The following SPTLC2 variants were observed in gnomAD, a reference collection of about 807,000 sequenced individuals.
The protein encoded by SPTLC2 is serine palmitoyltransferase long chain base subunit 2, also known as serine palmitoyltransferase 2.
Under a neutral mutation model 62.0 loss-of-function variants are expected in SPTLC2, and 21 were observed. That is an observed-to-expected ratio of 0.34 (90% CI 0.24 to 0.49). The LOEUF is 0.49. Ranked by LOEUF, SPTLC2 falls within the 20% of genes least tolerant of loss-of-function variation. The pLI is 0.99. For synonymous variants in SPTLC2, 261 were observed against 261.8 expected (o/e 1.00, Z 0.03); for missense variants, 511 against 713.0 (o/e 0.72, Z 3.23).
intron 6 of SPTLC2, among the ~76,000 whole-genome samples, chr14:77,560,481 G>A (rs1028903238): frequency 6.6e-6 from 1 of 152,040 alleles, no homozygotes; most frequent in African/African-American, 2.4e-5. Context: ...CGGGCGTGGT[G>A]GAACACATCT....
In SPTLC2 at chr14:77,506,001, T is replaced by C. The variant is rs187083387; in HGVS notation, c.*6283A>G. ...TTGAATGAATAAAGGCAGATATATCTTTCTGAATATTTTATTAGGGCAAAA... is the reference window on the plus strand; with the variant it reads ...TTGAATGAATAAAGGCAGATATATCCTTCTGAATATTTTATTAGGGCAAAA... On this transcript the variant is annotated 3_prime_UTR_variant, in exon 12 of 12. Coordinates refer to ENST00000216484, the MANE Select transcript of SPTLC2 (RefSeq NM_004863.4). 79 of 152,302 alleles carry C rather than the reference T, an allele frequency of 5.2e-4. No individual in the cohort carries two copies. Among genetic ancestry groups the C allele is most frequent in the African/African-American group, 1.7e-3 (70 of 41,560 alleles). The allele number at this position is 152,302 out of a possible 1,614,324, so 9.4% of individuals were successfully genotyped here.
intron 11 of SPTLC2, 152 bp downstream of exon 11, chr14:77,517,886 T>A: frequency 7.8e-7 from 1 of 1,278,794 alleles, no homozygotes; most frequent in Non-Finnish European, 1.1e-6. Context: ...TGACAGTTTT[T>A]TTGTAAATGC....
chr14:77,530,368 G>C (rs1165279480), intron 9 of SPTLC2, among the ~76,000 whole-genome samples: 1 of 151,918 alleles, frequency 6.6e-6, no homozygotes, highest in Non-Finnish European at 1.5e-5. Flanking sequence ...TTGCTCTGTT[G>C]CCCAGGCTGG....
At chr14:77,513,717 G>A (rs564803703) in intron 11 of SPTLC2, among the ~76,000 whole-genome samples, 1 of 152,000 alleles carries the variant, frequency 6.6e-6, no homozygotes, top group African/African-American at 2.4e-5. Context: ...CCAACATGGA[G>A]AAACCCTGTC....
In SPTLC2 at chr14:77,555,563, G is replaced by C. The variant is rs113823362; in HGVS notation, c.957-44C>G. 425 of 1,574,588 alleles carry C rather than the reference G, an allele frequency of 2.7e-4. 2 individuals are homozygous for C. In the Middle Eastern group the frequency reaches 5.5e-3, roughly 20 times the overall value. ...ATATATATATACACATATACACTGA[G>C]ACTTTTTAAATCAAAATTGGGAGTT... On this transcript the variant is annotated intron_variant, in intron 7 of 11. Transcript: ENST00000216484.
chr14:77,601,938 T>C (rs983813250), intron 1 of SPTLC2, among the ~76,000 whole-genome samples: 1 of 152,204 alleles, frequency 6.6e-6, no homozygotes, highest in Non-Finnish European at 1.5e-5. Context: ...TGTTTAATCA[T>C]TGCAGGGATG....
intron 9 of SPTLC2, among the ~76,000 whole-genome samples, chr14:77,533,188 T>C (rs967369894): frequency 6.6e-6 from 1 of 151,424 alleles, no homozygotes; most frequent in African/African-American, 2.4e-5. Context: ...GAGTTCCAGC[T>C]ACTTGGGAGG....
chr14:77,545,387 C>A (rs1422839837), intron 9 of SPTLC2, among the ~76,000 whole-genome samples: 1 of 152,040 alleles, frequency 6.6e-6, no homozygotes, highest in Non-Finnish European at 1.5e-5. Context: ...CTCCATCAGC[C>A]TCCCAAGTAG....
intron 1 of SPTLC2, among the ~76,000 whole-genome samples, chr14:77,608,891 C>G (rs917047549): frequency 3.3e-5 from 5 of 149,624 alleles, no homozygotes; most frequent in Non-Finnish European, 5.9e-5. Flanking sequence ...GCACTCCAGC[C>G]TGGGTGACAG....
At position 77,601,961 on chromosome 14, in the gene SPTLC2, T is replaced by A. The variant is rs143299994; in HGVS notation, c.133-4581A>T. On this transcript the variant is annotated intron_variant, in intron 1 of 11. Transcript: ENST00000216484. ...CATTGCAGGGATGCCTCTCTGATTA[T>A]TCACCCACGTTCCTTTGGTGTCTGA... Among the ~76,000 whole-genome samples, 1,208 of 152,322 alleles carry A rather than the reference T, an allele frequency of 7.9e-3. 20 individuals carry two copies. Among genetic ancestry groups the A allele is most frequent in the African/African-American group, 0.028 (1,149 of 41,556 alleles).
chr14:77,582,030 T>C (rs2079753953), intron 2 of SPTLC2, among the ~76,000 whole-genome samples: 1 of 150,622 alleles, frequency 6.6e-6, no homozygotes, highest in Non-Finnish European at 1.5e-5. Flanking sequence ...GTACTGATTA[T>C]CTCATTTCTT....
At chr14:77,564,180 C>T (rs1009272719) in intron 5 of SPTLC2, among the ~76,000 whole-genome samples, 2 of 138,480 alleles carry the variant, frequency 1.4e-5, no homozygotes, top group Non-Finnish European at 3.0e-5. Flanking sequence ...GGCAGTGAGC[C>T]GAAATTGTGC....
At chr14:77,600,991 G>C (rs1247098578) in intron 1 of SPTLC2, among the ~76,000 whole-genome samples, 3 of 152,108 alleles carry the variant, frequency 2.0e-5, no homozygotes, top group Non-Finnish European at 2.9e-5. Context: ...AGCCATATGT[G>C]TAATACATAT....
At chr14:77,560,766 C>A (rs898611762) in intron 6 of SPTLC2, among the ~76,000 whole-genome samples, 1 of 151,438 alleles carries the variant, frequency 6.6e-6, no homozygotes, top group Non-Finnish European at 1.5e-5. Flanking sequence ...GAACAGAAAA[C>A]CAAATACCAC....
chr14:77,553,254 G>A (rs991826291), intron 8 of SPTLC2, among the ~76,000 whole-genome samples: 1 of 152,032 alleles, frequency 6.6e-6, no homozygotes, highest in Non-Finnish European at 1.5e-5. Flanking sequence ...CTATGAAACA[G>A]TTTTATCTCA....
At chr14:77,584,470 T>C (rs1402866982) in intron 2 of SPTLC2, among the ~76,000 whole-genome samples, 2 of 152,012 alleles carry the variant, frequency 1.3e-5, no homozygotes, top group African/African-American at 4.8e-5. Flanking sequence ...TATATACTTA[T>C]ATATGTAAGT....
intron 1 of SPTLC2, among the ~76,000 whole-genome samples, chr14:77,598,071 G>A (rs889497203): frequency 2.1e-4 from 30 of 142,174 alleles, no homozygotes; most frequent in Admixed American, 1.9e-3. Context: ...GTGGGGAGCC[G>A]AGATCAAGCC....
At chr14:77,574,581 T>C (rs375593371) in intron 4 of SPTLC2, among the ~76,000 whole-genome samples, 2 of 152,122 alleles carry the variant, frequency 1.3e-5, no homozygotes, top group African/African-American at 4.8e-5. Flanking sequence ...AGCCAAAAAG[T>C]AGAAACAACC....
At chr14:77,516,003 TGTGCGC>T (rs1255595817) in intron 11 of SPTLC2, among the ~76,000 whole-genome samples, 1 of 36,896 alleles carries the variant, frequency 2.7e-5, no homozygotes, top group African/African-American at 4.8e-5. Context: ...TGTGTGTGTG[TGTGCGC>T]GCGCGCGCAT....
Sources: allele counts gnomAD v4.1 joint callset (sites outside exome capture counted in the v4.1 genomes callset), GRCh38; gene constraint gnomAD v4.1.1; transcripts MANE v1.5; gene names NCBI Gene and HGNC (gene_info 2026-07-23, HGNC 2026-07-21).